The following DDX10 variants were observed in gnomAD, a reference collection of about 807,000 sequenced individuals.
DDX10 encodes probable ATP-dependent RNA helicase DDX10.
A neutral mutation model predicts 104.3 loss-of-function variants in DDX10; 74 were observed. The observed-to-expected ratio is 0.71, with a 90% CI of 0.59 to 0.86. DDX10 has a LOEUF of 0.86. Ranked by LOEUF, DDX10 falls within the 40% of genes least tolerant of loss-of-function variation. DDX10 has a pLI of 0.00. For synonymous variants in DDX10, 351 were observed against 353.4 expected, an observed-to-expected ratio of 0.99 and a Z score of 0.08; for missense variants, 952 against 1,040.0, an observed-to-expected ratio of 0.92 and a Z score of 1.16.
chr11:108,918,625 C>CAA (rs1197955851), intron 17 of DDX10: 1 of 152,008 alleles, frequency 6.6e-6, no homozygotes, highest in Non-Finnish European at 1.5e-5. Context: ...CCCAAATCTA[C>CAA]AAAAACAAAT....
intron 13 of DDX10, among the ~76,000 whole-genome samples, chr11:108,764,316 G>A (rs1440691153): frequency 6.6e-6 from 1 of 152,236 alleles, no homozygotes; most frequent in South Asian, 2.1e-4. Context: ...GATGTTGGGG[G>A]GAATAGCATC....
chr11:108,939,259 C>A (rs538363955), intron 17 of DDX10, among the ~76,000 whole-genome samples: 23 of 152,250 alleles, frequency 1.5e-4, no homozygotes, highest in Admixed American at 9.2e-4. Flanking sequence ...TAATTGCTTT[C>A]AAAAGCTTGC....
intron 16 of DDX10, among the ~76,000 whole-genome samples, chr11:108,902,620 C>T (rs1863532525): frequency 6.6e-6 from 1 of 152,148 alleles, no homozygotes; most frequent in Non-Finnish European, 1.5e-5. Context: ...ATTGAATATT[C>T]ACTTTGTTAA....
intron 13 of DDX10, among the ~76,000 whole-genome samples, chr11:108,802,447 A>G (rs1203866636): frequency 1.3e-5 from 2 of 152,134 alleles, no homozygotes; most frequent in East Asian, 1.9e-4. Context: ...TTATGTTTTT[A>G]TTAGTCTTTT....
At chr11:108,694,040 C>T (rs541289497) in intron 9 of DDX10, among the ~76,000 whole-genome samples, 74 of 152,178 alleles carry the variant, frequency 4.9e-4, no homozygotes, top group African/African-American at 1.7e-3. Context: ...GGGTCTTAAG[C>T]GTGCATATGC....
At chr11:108,850,462 G>A (rs1017044155) in intron 15 of DDX10, among the ~76,000 whole-genome samples, 1 of 152,082 alleles carries the variant, frequency 6.6e-6, no homozygotes, top group Non-Finnish European at 1.5e-5. Flanking sequence ...ACTTTGAAGT[G>A]CCATTTTCAG....
chr11:108,745,093 TCCTCCCCTCCC>T (rs2094329925), intron 13 of DDX10, among the ~76,000 whole-genome samples: 1 of 84,248 alleles, frequency 1.2e-5, no homozygotes, highest in African/African-American at 5.1e-5. Context: ...CTTTCCTTCT[TCCTCCCCTCCC>T]CCTCCCCTTC....
At chr11:108,790,059 G>A (rs577313855) in intron 13 of DDX10, among the ~76,000 whole-genome samples, 46 of 152,258 alleles carry the variant, frequency 3.0e-4, no homozygotes, top group African/African-American at 9.9e-4. Context: ...TCAATTAAGA[G>A]CCACTCAGGG....
chr11:108,684,598 C>T (rs2134445146), intron 6 of DDX10, among the ~76,000 whole-genome samples: 1 of 140,660 alleles, frequency 7.1e-6, no homozygotes. Flanking sequence ...TCCAGTCTAT[C>T]ATTGTTGGAC....
In DDX10 at chr11:108,665,095, G is replaced by C; in HGVS notation, c.-59G>C. 6.6e-7 allele frequency: 1 copy of C among 1,512,636 alleles called. No homozygotes were observed. Among genetic ancestry groups the C allele is most frequent in the Non-Finnish European group, 8.8e-7 (1 of 1,135,658 alleles). The allele number at this position is 1,512,636 out of a possible 1,614,324, so 93.7% of individuals were successfully genotyped here. Reference sequence around the variant, plus strand: ...CGTTTGTCCCATGCTGGTTCCGTGAGTCTGGCCTTAGGTGTCTCGTGTCTG... The same window carrying C: ...CGTTTGTCCCATGCTGGTTCCGTGACTCTGGCCTTAGGTGTCTCGTGTCTG... On this transcript the variant is annotated 5_prime_UTR_variant, in exon 1 of 18. Transcript: ENST00000322536.
intron 16 of DDX10, among the ~76,000 whole-genome samples, chr11:108,886,190 G>T (rs1056372746): frequency 6.6e-6 from 1 of 152,166 alleles, no homozygotes; most frequent in Non-Finnish European, 1.5e-5. Flanking sequence ...CCACTTGTTG[G>T]CTTCTGTAGG....
intron 13 of DDX10, among the ~76,000 whole-genome samples, chr11:108,756,322 A>G (rs1405952237): frequency 2.6e-5 from 4 of 152,068 alleles, no homozygotes; most frequent in African/African-American, 9.7e-5. Context: ...CTGTGAGACC[A>G]CATACATTTG....
At chr11:108,936,418 A>T (rs1195751665) in intron 17 of DDX10, among the ~76,000 whole-genome samples, 2 of 152,204 alleles carry the variant, frequency 1.3e-5, no homozygotes, top group African/African-American at 4.8e-5. Context: ...TAATTGACGT[A>T]TACCTAGCTA....
chr11:108,809,640 C>G (rs974847262), intron 13 of DDX10, among the ~76,000 whole-genome samples: 2 of 152,254 alleles, frequency 1.3e-5, no homozygotes, highest in Admixed American at 1.3e-4. Context: ...CCTGCTCATA[C>G]CAGGCCGTAT....
chr11:108,775,789 A>G (rs2094369078), intron 13 of DDX10, among the ~76,000 whole-genome samples: 1 of 152,192 alleles, frequency 6.6e-6, no homozygotes, highest in African/African-American at 2.4e-5. Context: ...CAATATAGCC[A>G]CATATTTTAA....
intron 13 of DDX10, among the ~76,000 whole-genome samples, chr11:108,826,732 G>A (rs907815566): frequency 1.3e-5 from 2 of 152,144 alleles, no homozygotes; most frequent in African/African-American, 4.8e-5. Flanking sequence ...GATCACATCC[G>A]CATGCATCTT....
intron 13 of DDX10, among the ~76,000 whole-genome samples, chr11:108,760,772 C>T (rs2094349880): frequency 6.6e-6 from 1 of 150,508 alleles, no homozygotes; most frequent in South Asian, 2.1e-4. Context: ...AGATGAGTGA[C>T]CTGTTGAAGT....
intron 15 of DDX10, among the ~76,000 whole-genome samples, chr11:108,850,502 T>C (rs1591835000): frequency 1.3e-5 from 2 of 152,300 alleles, no homozygotes; most frequent in East Asian, 3.9e-4. Context: ...AGATCAGTTG[T>C]TGAATAATTA....
chr11:108,817,500 C>T (rs978528673), intron 13 of DDX10, among the ~76,000 whole-genome samples: 2 of 152,116 alleles, frequency 1.3e-5, no homozygotes, highest in Non-Finnish European at 2.9e-5. Context: ...TTACCTTCTG[C>T]CCAGTTACTC....
Sources: allele counts gnomAD v4.1 joint callset (sites outside exome capture counted in the v4.1 genomes callset), GRCh38; gene constraint gnomAD v4.1.1; transcripts MANE v1.5; gene names NCBI Gene and HGNC (gene_info 2026-07-23, HGNC 2026-07-21).